The following PDZRN4 variants were observed in gnomAD, a reference collection of about 807,000 sequenced individuals.
The protein encoded by PDZRN4 is PDZ domain-containing RING finger protein 4.
PDZRN4 carries 70 observed loss-of-function variants against 99.0 expected under a neutral mutation model. The ratio of observed to expected loss-of-function variants is 0.71; its 90% CI spans 0.58 to 0.86. PDZRN4 has a LOEUF of 0.86. Among genes scored for constraint, PDZRN4 ranks in the 40% least tolerant of loss-of-function variants. The pLI is 0.00. For synonymous variants in PDZRN4, 551 were observed against 501.6 expected, an observed-to-expected ratio of 1.10 and a Z score of -1.32; for missense variants, 1,474 against 1,331.2, an observed-to-expected ratio of 1.11 and a Z score of -1.67.
intron 3 of PDZRN4, among the ~76,000 whole-genome samples, chr12:41,295,618 T>C (rs190311943): frequency 6.6e-6 from 1 of 152,270 alleles, no homozygotes; most frequent in Non-Finnish European, 1.5e-5. Flanking sequence ...AAATCTGTAT[T>C]ATGAAAAAAT....
At chr12:41,275,762 A>G (rs916252048) in intron 3 of PDZRN4, among the ~76,000 whole-genome samples, 4 of 152,220 alleles carry the variant, frequency 2.6e-5, no homozygotes, top group African/African-American at 7.2e-5. Context: ...CCACAAGAGT[A>G]GGAAATAATT....
chr12:41,451,900 A>G (rs2446143), intron 3 of PDZRN4, among the ~76,000 whole-genome samples: 1 of 151,918 alleles, frequency 6.6e-6, no homozygotes, highest in African/African-American at 2.4e-5. Context: ...TTAAACCTGG[A>G]TTCTCACTTT....
At chr12:41,237,608 A>T (rs937811394) in intron 3 of PDZRN4, among the ~76,000 whole-genome samples, 3 of 152,144 alleles carry the variant, frequency 2.0e-5, no homozygotes, top group African/African-American at 7.2e-5. Context: ...TGGGTTTTAC[A>T]GTTCAGTCGT....
At chr12:41,298,957 T>A (rs1328091146) in intron 3 of PDZRN4, among the ~76,000 whole-genome samples, 1 of 152,168 alleles carries the variant, frequency 6.6e-6, no homozygotes, top group African/African-American at 2.4e-5. Flanking sequence ...TGTTGTGTGA[T>A]CACTGCATCC....
In PDZRN4 at chr12:41,437,625, G is replaced by A. The variant is rs565618769; in HGVS notation, c.844-68831G>A. On this transcript the variant is annotated intron_variant, in intron 3 of 9. Transcript: ENST00000402685. ...ACATGTTCTGTCATAAATAATCAATGAGGCACTATTAATATTCATGAGCTG... is the reference window on the plus strand; with the variant it reads ...ACATGTTCTGTCATAAATAATCAATAAGGCACTATTAATATTCATGAGCTG... The A allele has an allele frequency of 5.4e-5, 27 of 503,218 alleles. No individual in the cohort carries two copies. The South Asian group carries it at 1.4e-3, about 25-fold the overall frequency. 31.2% of individuals were successfully genotyped at this position (503,218 alleles called of 1,614,324 possible). A position where few individuals can be genotyped will look rare whatever the true frequency, so the allele number is the denominator to read the frequency against.
chr12:41,437,238 A>G (rs761551633), intron 3 of PDZRN4, among the ~76,000 whole-genome samples: 2 of 151,984 alleles, frequency 1.3e-5, no homozygotes, highest in Non-Finnish European at 2.9e-5. Flanking sequence ...TTCCTTTTCC[A>G]TGTCACCCCC....
intron 3 of PDZRN4, among the ~76,000 whole-genome samples, chr12:41,391,437 C>T (rs1430553977): frequency 1.3e-5 from 2 of 152,164 alleles, no homozygotes; most frequent in Non-Finnish European, 2.9e-5. Flanking sequence ...TCTCTCCAAG[C>T]TCACCGTATA....
intron 3 of PDZRN4, among the ~76,000 whole-genome samples, chr12:41,357,265 A>G (rs1336693439): frequency 6.6e-6 from 1 of 151,832 alleles, no homozygotes; most frequent in Non-Finnish European, 1.5e-5. Context: ...TATGTTTAGA[A>G]CACTTATTCT....
At chr12:41,268,230 T>C (rs1481599298) in intron 3 of PDZRN4, among the ~76,000 whole-genome samples, 3 of 152,186 alleles carry the variant, frequency 2.0e-5, no homozygotes, top group Non-Finnish European at 4.4e-5. Context: ...GTGTCAACTT[T>C]ACAGATGAGG....
intron 5 of PDZRN4, among the ~76,000 whole-genome samples, chr12:41,545,028 T>A (rs530494854): frequency 1.3e-4 from 20 of 152,330 alleles, no homozygotes; most frequent in Non-Finnish European, 2.5e-4. Context: ...AGCCCTTAGC[T>A]TCTCTTGCAT....
intron 3 of PDZRN4, chr12:41,478,011 G>A: frequency 1.2e-6 from 1 of 818,596 alleles, no homozygotes; most frequent in South Asian, 1.5e-5. Flanking sequence ...GAGGACAAAT[G>A]TGGCTGCTTT....
intron 3 of PDZRN4, among the ~76,000 whole-genome samples, chr12:41,506,047 T>C (rs1938199297): frequency 6.6e-6 from 1 of 152,112 alleles, no homozygotes; most frequent in African/African-American, 2.4e-5. Context: ...AAAAATTAAA[T>C]TTTAGGCAAG....
At chr12:41,387,517 A>C (rs1280064651) in intron 3 of PDZRN4, among the ~76,000 whole-genome samples, 2 of 152,168 alleles carry the variant, frequency 1.3e-5, no homozygotes, top group African/African-American at 4.8e-5. Flanking sequence ...CGCTGAACCC[A>C]GAAGGTGAAG....
chr12:41,517,315 C>T (rs897828974), intron 5 of PDZRN4, among the ~76,000 whole-genome samples: 2 of 151,848 alleles, frequency 1.3e-5, no homozygotes, highest in Admixed American at 6.6e-5. Context: ...ATCAAAATGC[C>T]GACATTCAAT....
intron 3 of PDZRN4, among the ~76,000 whole-genome samples, chr12:41,409,113 G>A (rs1952372967): frequency 3.3e-5 from 5 of 152,084 alleles, no homozygotes; most frequent in African/African-American, 1.2e-4. Context: ...TATGATAAGA[G>A]TTGAAGATGA....
intron 3 of PDZRN4, chr12:41,460,091 T>G (rs1952856842): frequency 7.8e-7 from 1 of 1,282,096 alleles, no homozygotes; most frequent in African/African-American, 1.5e-5. Flanking sequence ...CCTATTTATA[T>G]ATTTTCTGTC....
Position 41,573,614 on chromosome 12 carries a change from G to C in PDZRN4, c.2835G>C (p.Glu945Asp). ...MKMGRYWSKE[E>D]RKQHLVRAKE... is the part of the protein sequence containing the mutation. ...TGGGGCGCTACTGGAGCAAAGAGGAGAGAAAGCAGCACCTGGTTAGGGCCA... is the reference window on the plus strand; with the variant it reads ...TGGGGCGCTACTGGAGCAAAGAGGACAGAAAGCAGCACCTGGTTAGGGCCA... Residue 945 changes from glutamate to aspartate, a missense_variant, in exon 10 of 10, where the codon GAG becomes GAC. Coordinates refer to ENST00000402685, the MANE Select transcript of PDZRN4 (RefSeq NM_001164595.2). The C allele has an allele frequency of 7.4e-6, 12 of 1,614,128 alleles. No homozygotes were observed. Among genetic ancestry groups the C allele is most frequent in the Non-Finnish European group, 1.0e-5 (12 of 1,180,016 alleles).
At chr12:41,205,655 C>T (rs1950844417) in intron 3 of PDZRN4, among the ~76,000 whole-genome samples, 1 of 151,926 alleles carries the variant, frequency 6.6e-6, no homozygotes, top group East Asian at 1.9e-4. Flanking sequence ...CTCTGTCTTT[C>T]CTGTTTAAAC....
Position 41,573,371 on chromosome 12 carries a change from G to A in PDZRN4, c.2592G>A (p.Glu864=), listed in dbSNP as rs916210469. ...TAATTCAACAGAAATCTGCAGTCGA[G>A]TATGCTCAGAGTCAGCTCAGCTTGG... is the stretch of plus-strand genomic sequence containing the variant. ...MQLIQQKSAV[E]YAQSQLSLVS... The change falls in exon 10 of 10, where the codon GAG becomes GAA. Residue 864 remains glutamate, a synonymous_variant. Transcript: ENST00000402685. 3 of 1,613,394 alleles carry A rather than the reference G, an allele frequency of 1.9e-6. No homozygotes were observed. Among genetic ancestry groups the A allele is most frequent in the African/African-American group, 2.7e-5 (2 of 75,028 alleles).
Sources: gnomAD v4.1 joint callset for allele counts (sites outside exome capture counted in the v4.1 genomes callset) on GRCh38, gnomAD v4.1.1 for gene constraint, MANE v1.5 for transcripts, NCBI Gene and HGNC (gene_info 2026-07-23, HGNC 2026-07-21) for gene names.